Variants in PTPRT observed in about 807,000 individuals in gnomAD.
The protein encoded by PTPRT is protein tyrosine phosphatase receptor type T.
Under a neutral mutation model 176.8 loss-of-function variants are expected in PTPRT, and 56 were observed. That is an observed-to-expected ratio of 0.32 (90% CI 0.26 to 0.40). PTPRT has a LOEUF of 0.40. Ranked by LOEUF, PTPRT falls within the 10% of genes least tolerant of loss-of-function variation. The probability of loss-of-function intolerance (pLI) is 1.00; values close to 1 mark genes in which losing one functional copy is unlikely to be tolerated. For missense variants in PTPRT, 1,540 were observed against 1,908.2 expected (o/e 0.81, Z 3.60); for synonymous variants, 783 against 739.0 (o/e 1.06, Z -0.96).
chr20:42,325,523 C>G (rs115109813), intron 11 of PTPRT, among the ~76,000 whole-genome samples: 1 of 152,082 alleles, frequency 6.6e-6, no homozygotes, highest in Non-Finnish European at 1.5e-5. Flanking sequence ...ATAAGCAATT[C>G]CCATGGCTTC....
At chr20:42,387,689 G>A (rs950876800) in intron 9 of PTPRT, among the ~76,000 whole-genome samples, 1 of 151,998 alleles carries the variant, frequency 6.6e-6, no homozygotes, top group African/African-American at 2.4e-5. Context: ...TGCCTTCCAA[G>A]GAACACTTAT....
intron 6 of PTPRT, among the ~76,000 whole-genome samples, chr20:42,681,757 G>A (rs1460677954): frequency 1.3e-5 from 2 of 152,152 alleles, no homozygotes; most frequent in African/African-American, 4.8e-5. Context: ...GAGAAGGAGG[G>A]CATTCGAGAA....
chr20:42,371,506 AT>A (rs11086832), intron 9 of PTPRT, among the ~76,000 whole-genome samples: 20,921 of 152,192 alleles, frequency 0.14, 1,629 homozygotes, highest in East Asian at 0.22. Context: ...TCTGATTAAT[AT>A]TTTCCACTCA....
chr20:42,612,971 T>C (rs1286118597), intron 7 of PTPRT, among the ~76,000 whole-genome samples: 1 of 152,198 alleles, frequency 6.6e-6, no homozygotes, highest in Non-Finnish European at 1.5e-5. Flanking sequence ...TGTATATTTA[T>C]GCATAGGGGG....
chr20:42,721,610 C>T (rs1046111034), intron 6 of PTPRT, among the ~76,000 whole-genome samples: 1 of 152,150 alleles, frequency 6.6e-6, no homozygotes, highest in Non-Finnish European at 1.5e-5. Flanking sequence ...TCAGTCAGTG[C>T]AGTTTGGGGT....
chr20:42,300,051 T>A (rs8121427), intron 12 of PTPRT, among the ~76,000 whole-genome samples: 4,330 of 150,582 alleles, frequency 0.029, 213 homozygotes, highest in African/African-American at 0.1. Context: ...TGAGGTCAGG[T>A]GTTTGAGACC....
chr20:42,443,349 C>T (rs374004603), intron 9 of PTPRT, among the ~76,000 whole-genome samples: 54 of 152,304 alleles, frequency 3.5e-4, no homozygotes, highest in African/African-American at 7.0e-4. Flanking sequence ...CTGGGGCCTG[C>T]GATTCTGCAT....
chr20:42,184,079 A>C (rs1039706614), intron 16 of PTPRT, among the ~76,000 whole-genome samples: 1 of 152,134 alleles, frequency 6.6e-6, no homozygotes, highest in African/African-American at 2.4e-5. Context: ...CCTAAGGAAG[A>C]ACTGAGGTCC....
At chr20:42,160,192 G>A (rs1185927693) in intron 17 of PTPRT, among the ~76,000 whole-genome samples, 1 of 151,856 alleles carries the variant, frequency 6.6e-6, no homozygotes, top group Non-Finnish European at 1.5e-5. Flanking sequence ...CTCAGACCAT[G>A]GTACACAGAA....
At chr20:43,117,740 A>G (rs1232335387) in intron 1 of PTPRT, among the ~76,000 whole-genome samples, 1 of 152,216 alleles carries the variant, frequency 6.6e-6, no homozygotes, top group Non-Finnish European at 1.5e-5. Flanking sequence ...CTTCCAAAAC[A>G]TTCCCAGTGA....
At position 42,256,948 on chromosome 20, in the gene PTPRT, G is replaced by A. The variant is rs1450067260; in HGVS notation, c.2177-8126C>T. 4.6e-5 allele frequency among the ~76,000 whole-genome samples: 7 copies of A among 152,268 alleles called. No homozygotes were observed. In the East Asian group the frequency reaches 1.4e-3, roughly 29 times the overall value. On this transcript the variant is annotated intron_variant, in intron 13 of 30. Transcript: ENST00000373187. ...AGGGGCCTGAGCCCAAGAGAAAGAA[G>A]GCTCCTCCCTTCCTCCAGCTTTACC... is the stretch of plus-strand genomic sequence containing the variant.
At chr20:42,719,867 A>G (rs2076279825) in intron 6 of PTPRT, among the ~76,000 whole-genome samples, 2 of 152,200 alleles carry the variant, frequency 1.3e-5, no homozygotes, top group Non-Finnish European at 2.9e-5. Context: ...CCACTCTGAC[A>G]CAGGGTAAGA....
At chr20:42,576,600 T>C (rs1483381682) in intron 7 of PTPRT, among the ~76,000 whole-genome samples, 1 of 151,996 alleles carries the variant, frequency 6.6e-6, no homozygotes, top group Non-Finnish European at 1.5e-5. Flanking sequence ...TGCCCCAGAG[T>C]TCTCTGGAAC....
chr20:42,915,767 A>T (rs1235152871), intron 1 of PTPRT, among the ~76,000 whole-genome samples: 2 of 148,216 alleles, frequency 1.3e-5, no homozygotes, highest in African/African-American at 5.0e-5. Context: ...AATTTTTTGT[A>T]TTTTTTTTTT....
At chr20:42,331,379 C>T (rs1420979967) in intron 11 of PTPRT, among the ~76,000 whole-genome samples, 1 of 150,664 alleles carries the variant, frequency 6.6e-6, no homozygotes, top group African/African-American at 2.4e-5. Context: ...AAGACATTTG[C>T]TTAAGGAAAG....
chr20:42,694,108 A>G (rs1488131084), intron 6 of PTPRT, among the ~76,000 whole-genome samples: 1 of 146,264 alleles, frequency 6.8e-6, no homozygotes, highest in Non-Finnish European at 1.5e-5. Flanking sequence ...GCGCGATCTC[A>G]GCTCACTGCA....
intron 1 of PTPRT, among the ~76,000 whole-genome samples, chr20:43,031,341 G>A (rs1374800598): frequency 6.6e-5 from 10 of 152,116 alleles, no homozygotes; most frequent in African/African-American, 1.7e-4. Context: ...ACCCTCACAC[G>A]GAACAACAAC....
intron 27 of PTPRT, among the ~76,000 whole-genome samples, chr20:42,095,946 C>A (rs780248973): frequency 1.3e-5 from 2 of 152,124 alleles, no homozygotes; most frequent in Non-Finnish European, 2.9e-5. Flanking sequence ...TCGCTGCCTT[C>A]CCCTACCTTC....
intron 6 of PTPRT, among the ~76,000 whole-genome samples, chr20:42,702,697 A>G (rs2146167513): frequency 6.6e-6 from 1 of 152,264 alleles, no homozygotes; most frequent in South Asian, 2.1e-4. Context: ...CTTTGAGAAC[A>G]CTGTTCTATC....
Sources: allele counts gnomAD v4.1 joint callset (sites outside exome capture counted in the v4.1 genomes callset), GRCh38; gene constraint gnomAD v4.1.1; transcripts MANE v1.5; gene names NCBI Gene and HGNC (gene_info 2026-07-23, HGNC 2026-07-21).